Variants in SENP7 observed in about 807,000 individuals in gnomAD.
SENP7 encodes SUMO specific peptidase 7.
In SENP7, 64 loss-of-function variants were observed where a neutral mutation model predicts 141.2. The ratio of observed to expected loss-of-function variants is 0.45; its 90% confidence interval spans 0.37 to 0.56. The LOEUF (loss-of-function observed/expected upper bound fraction) is 0.56. SENP7 is among the 20% of genes least tolerant of loss of function. The pLI, the probability that SENP7 is intolerant of heterozygous loss-of-function variation, is 0.00. For missense variants in SENP7, 1,025 were observed against 1,212.2 expected, an observed-to-expected ratio of 0.85 and a Z score of 2.29; for synonymous variants, 382 against 426.4, an observed-to-expected ratio of 0.90 and a Z score of 1.28.
At chr3:101,445,185 T>G (rs1458852224) in intron 4 of SENP7, among the ~76,000 whole-genome samples, 1 of 152,086 alleles carries the variant, frequency 6.6e-6, no homozygotes, top group African/African-American at 2.4e-5. Flanking sequence ...GATGATATCT[T>G]CAAAGCGCTG....
At chr3:101,381,337 G>C (rs2060495633) in intron 6 of SENP7, among the ~76,000 whole-genome samples, 1 of 151,966 alleles carries the variant, frequency 6.6e-6, no homozygotes, top group South Asian at 2.1e-4. Flanking sequence ...AATATTAACT[G>C]CTCTCCTATC....
chr3:101,331,995 G>A lies in SENP7; in HGVS notation c.2688C>T (p.Asn896=). Residue 896 remains asparagine (N), a synonymous_variant, in exon 19 of 24, where the codon AAC becomes AAT. Coordinates refer to ENST00000394095, the MANE Select transcript of SENP7 (RefSeq NM_020654.5). ...QSQAQQSQND[N]KTIDNDLRTT... ...CGTTATGGATGTCACCTATTGTTTT[G>A]TTGTCATTTTGGGACTGCTGAGCCT... 6.2e-7 allele frequency: 1 copy of A among 1,613,052 alleles called. No individual in the cohort carries two copies. Among genetic ancestry groups the A allele is most frequent in the Non-Finnish European group, 8.5e-7 (1 of 1,179,482 alleles).
Position 101,513,186 on chromosome 3 carries a change from G to C in SENP7, c.-56C>G. On this transcript the variant is annotated 5_prime_UTR_variant, in exon 1 of 24. Transcript: ENST00000394095. Reference sequence around the variant, plus strand: ...GCGCTGTCACCTCAGGACCCCTCCGGCTTGGAGAGGGAGGGGGAGGGGAAA... The same window carrying C: ...GCGCTGTCACCTCAGGACCCCTCCGCCTTGGAGAGGGAGGGGGAGGGGAAA... The C allele has an allele frequency of 1.1e-6, 1 of 888,260 alleles. No individual in the cohort carries two copies. The highest frequency in any genetic ancestry group is 1.7e-6 in the Non-Finnish European group (1 of 579,890). 55.0% of individuals were successfully genotyped at this position (888,260 alleles called of 1,614,324 possible). A position where few individuals can be genotyped will look rare whatever the true frequency, so the allele number is the denominator to read the frequency against.
chr3:101,493,460 C>T (rs9852782), intron 3 of SENP7, among the ~76,000 whole-genome samples: 60,367 of 151,920 alleles, frequency 0.4, 12,508 homozygotes, highest in Admixed American at 0.54. Flanking sequence ...GATTATAATG[C>T]TTAAAAATGA....
chr3:101,365,189 G>C (rs1321985746), intron 9 of SENP7, among the ~76,000 whole-genome samples, 198 bp from the exon 10 acceptor site: 2 of 151,834 alleles, frequency 1.3e-5, no homozygotes, highest in African/African-American at 2.4e-5. Context: ...TTTTAGTAGA[G>C]ACAGGGTTTC....
chr3:101,510,389 C>G (rs533491409), intron 1 of SENP7, among the ~76,000 whole-genome samples: 1 of 152,226 alleles, frequency 6.6e-6, no homozygotes, highest in African/African-American at 2.4e-5. Flanking sequence ...TTTTACAGTT[C>G]TTCCTTGTTT....
chr3:101,432,495 TGTGC>T (rs1177774290), intron 4 of SENP7, among the ~76,000 whole-genome samples: 2 of 152,206 alleles, frequency 1.3e-5, no homozygotes, highest in Non-Finnish European at 2.9e-5. Flanking sequence ...AGACCCAGGC[TGTGC>T]TGGCTTCAGG....
At chr3:101,340,242 T>A in intron 15 of SENP7, 31 bp from the exon 16 acceptor site, 1 of 1,549,712 alleles carries the variant, frequency 6.5e-7, no homozygotes, top group Non-Finnish European at 8.7e-7. Context: ...TAACATATAC[T>A]GATATTGAAA....
At chr3:101,477,287 A>G (rs932431080) in intron 3 of SENP7, among the ~76,000 whole-genome samples, 2 of 152,200 alleles carry the variant, frequency 1.3e-5, no homozygotes, top group East Asian at 3.8e-4. Context: ...ACCAATAACA[A>G]GAACTTTGGA....
intron 3 of SENP7, among the ~76,000 whole-genome samples, chr3:101,492,953 T>C (rs2065021339): frequency 6.6e-6 from 1 of 152,188 alleles, no homozygotes; most frequent in Non-Finnish European, 1.5e-5. Flanking sequence ...AGTGTGCCAC[T>C]GCACTCCAGT....
chr3:101,388,651 G>A (rs960831616), intron 6 of SENP7, among the ~76,000 whole-genome samples: 1 of 151,804 alleles, frequency 6.6e-6, no homozygotes, highest in Non-Finnish European at 1.5e-5. Context: ...TCAATGAAAA[G>A]GAAATCCATA....
At chr3:101,419,353 T>C (rs751248240) in intron 4 of SENP7, among the ~76,000 whole-genome samples, 2 of 152,182 alleles carry the variant, frequency 1.3e-5, no homozygotes, top group Non-Finnish European at 2.9e-5. Context: ...AATCCACTAG[T>C]CTTAATTAGG....
At chr3:101,452,458 C>G (rs1334298044) in intron 4 of SENP7, among the ~76,000 whole-genome samples, 1 of 152,134 alleles carries the variant, frequency 6.6e-6, no homozygotes, top group African/African-American at 2.4e-5. Flanking sequence ...TACCTGACTT[C>G]AAACTATACT....
At chr3:101,377,657 A>G (rs1283125430) in intron 6 of SENP7, among the ~76,000 whole-genome samples, 1 of 152,232 alleles carries the variant, frequency 6.6e-6, no homozygotes, top group Non-Finnish European at 1.5e-5. Context: ...CTATTTCACC[A>G]GAGCCTAAAC....
At chr3:101,433,004 C>A (rs571509793) in intron 4 of SENP7, among the ~76,000 whole-genome samples, 1 of 152,112 alleles carries the variant, frequency 6.6e-6, no homozygotes, top group East Asian at 1.9e-4. Context: ...TCTTATCCTA[C>A]GTAGAAAGAC....
intron 12 of SENP7, among the ~76,000 whole-genome samples, chr3:101,348,891 C>T (rs1409416418): frequency 6.6e-6 from 1 of 152,078 alleles, no homozygotes; most frequent in Non-Finnish European, 1.5e-5. Context: ...AAATATCAGT[C>T]AAGCGTAAAC....
intron 10 of SENP7, among the ~76,000 whole-genome samples, chr3:101,362,330 G>A (rs1272002822): frequency 1.3e-5 from 2 of 152,130 alleles, no homozygotes. Context: ...GATTGGTTAA[G>A]CGACCTGCCT....
chr3:101,482,220 G>A (rs2064517438), intron 3 of SENP7, among the ~76,000 whole-genome samples: 1 of 151,964 alleles, frequency 6.6e-6, no homozygotes, highest in African/African-American at 2.4e-5. Flanking sequence ...GGCTGAGGCA[G>A]GAGAATGGCA....
At chr3:101,357,959 C>T (rs2059787941) in intron 11 of SENP7, 1 of 649,538 alleles carries the variant, frequency 1.5e-6, no homozygotes, top group Non-Finnish European at 2.5e-6. Context: ...AGCTTTTAAC[C>T]ACCCCTCACC....
Sources: allele counts gnomAD v4.1 joint callset (sites outside exome capture counted in the v4.1 genomes callset), GRCh38; gene constraint gnomAD v4.1.1; transcripts MANE v1.5; gene names NCBI Gene and HGNC (gene_info 2026-07-23, HGNC 2026-07-21).